PAFAH1B1: variants seen among roughly 807,000 people sequenced by gnomAD.
PAFAH1B1 encodes the protein platelet activating factor acetylhydrolase 1b regulatory subunit 1.
PAFAH1B1 carries 2 observed loss-of-function variants against 57.5 expected under a neutral mutation model. That is an observed-to-expected ratio of 0.03 (90% confidence interval 0.01 to 0.11). The LOEUF (loss-of-function observed/expected upper bound fraction) is 0.11. PAFAH1B1 is among the 10% of genes least tolerant of loss of function. The pLI is 1.00. For missense variants in PAFAH1B1, 257 were observed against 512.0 expected (o/e 0.50, Z 4.81); for synonymous variants, 152 against 169.6 (o/e 0.90, Z 0.81).
chr17:2,631,147 A>G (rs751727808), intron 1 of PAFAH1B1, among the ~76,000 whole-genome samples: 15 of 152,026 alleles, frequency 9.9e-5, no homozygotes, highest in South Asian at 2.1e-4. Flanking sequence ...AGGCTGAGGC[A>G]GGGGAATCAC....
intron 1 of PAFAH1B1, among the ~76,000 whole-genome samples, chr17:2,609,157 T>A (rs2068237785): frequency 6.6e-6 from 1 of 152,212 alleles, no homozygotes; most frequent in African/African-American, 2.4e-5. Context: ...TAAGCTGAAT[T>A]ACAGCTGCCT....
At chr17:2,680,471 ATTTG>A in intron 10 of PAFAH1B1, 151 bp downstream of exon 10, 1 of 760,034 alleles carries the variant, frequency 1.3e-6, no homozygotes. Flanking sequence ...GATTCCTACC[ATTTG>A]TTTTAAATTC....
chr17:2,633,319 T>C (rs2151630924), intron 1 of PAFAH1B1, among the ~76,000 whole-genome samples: 1 of 151,554 alleles, frequency 6.6e-6, no homozygotes, highest in South Asian at 2.1e-4. Context: ...AGGTGCCTGC[T>C]GCCACAACCA....
chr17:2,652,165 C>T (rs965261738), intron 2 of PAFAH1B1, among the ~76,000 whole-genome samples: 1 of 150,960 alleles, frequency 6.6e-6, no homozygotes, highest in African/African-American at 2.4e-5. Flanking sequence ...TAATCCCACA[C>T]TTTGGGAGGC....
chr17:2,644,163 CTT>C (rs568959536), intron 2 of PAFAH1B1, among the ~76,000 whole-genome samples: 2 of 143,984 alleles, frequency 1.4e-5, no homozygotes. Flanking sequence ...CTCTCTTGCT[CTT>C]TTTTTTTTTT....
intron 1 of PAFAH1B1, among the ~76,000 whole-genome samples, chr17:2,614,818 C>T (rs1473473012): frequency 3.3e-5 from 5 of 151,894 alleles, no homozygotes; most frequent in Admixed American, 3.3e-4. Flanking sequence ...AAACTTCTGG[C>T]CTCAAGCAAT....
chr17:2,603,296 C>T (rs1185402184), intron 1 of PAFAH1B1, among the ~76,000 whole-genome samples: 1 of 151,818 alleles, frequency 6.6e-6, no homozygotes, highest in Admixed American at 6.6e-5. Context: ...TCTACAGGCC[C>T]GCGCCACCAT....
chr17:2,667,325 CT>C, intron 5 of PAFAH1B1, 127 bp downstream of exon 5: 1 of 689,128 alleles, frequency 1.5e-6, no homozygotes, highest in Admixed American at 2.3e-5. Context: ...CAGAGCCACA[CT>C]CTGTCTCAAA....
In PAFAH1B1 at chr17:2,684,376, G is replaced by A. The variant is rs886052728; in HGVS notation, c.*2574G>A. 2.6e-5 allele frequency: 4 copies of A among 152,718 alleles called. No individual in the cohort carries two copies. The highest frequency in any genetic ancestry group is 1.9e-4 in the East Asian group (1 of 5,200). The allele number at this position is 152,718 out of a possible 1,614,324, so 9.5% of individuals were successfully genotyped here. ...GTGCCTTGCCTGGGATAAGGACAAT[G>A]ATGAGGTTACTGGTTTGGATTGTAA... On this transcript the variant is annotated 3_prime_UTR_variant, in exon 11 of 11. Transcript: ENST00000397195.
chr17:2,660,841 T>A (rs563524931), intron 2 of PAFAH1B1, among the ~76,000 whole-genome samples: 1 of 152,362 alleles, frequency 6.6e-6, no homozygotes, highest in South Asian at 2.1e-4. Context: ...TCTTCCATGA[T>A]GGTTGAACTA....
intron 2 of PAFAH1B1, among the ~76,000 whole-genome samples, chr17:2,646,071 A>G (rs963574876): frequency 1.1e-4 from 17 of 152,152 alleles, no homozygotes; most frequent in Non-Finnish European, 2.4e-4. Context: ...AATGACAGAA[A>G]ATGAACTATG....
chr17:2,680,294 C>T lies in PAFAH1B1; in HGVS notation c.1133C>T (p.Ala378Val), dbSNP rs1320896171. The T allele has an allele frequency of 3.7e-6, 6 of 1,613,928 alleles. No individual in the cohort carries two copies. The highest frequency in any genetic ancestry group is 1.7e-5 in the Admixed American group (1 of 59,998). Residue 378 changes from alanine (A) to valine (V), a missense_variant, in exon 10 of 11, where the codon GCG becomes GTG. Coordinates refer to ENST00000397195, the MANE Select transcript of PAFAH1B1 (RefSeq NM_000430.4). ...KNKRCMKTLN[A>V]HEHFVTSLDF... Reference sequence around the variant, plus strand: ...AAGCGATGCATGAAGACCCTCAATGCGCATGAACACTTTGTTACCTCCTTG... The same window carrying T: ...AAGCGATGCATGAAGACCCTCAATGTGCATGAACACTTTGTTACCTCCTTG...
At chr17:2,669,395 G>A (rs1023011782) in intron 5 of PAFAH1B1, among the ~76,000 whole-genome samples, 40 of 151,680 alleles carry the variant, frequency 2.6e-4, no homozygotes, top group African/African-American at 8.0e-4. Context: ...CCGAGTAGCC[G>A]GGAGTACAGG....
intron 1 of PAFAH1B1, among the ~76,000 whole-genome samples, chr17:2,607,756 G>A (rs1246712133): frequency 6.6e-6 from 1 of 152,102 alleles, no homozygotes; most frequent in African/African-American, 2.4e-5. Context: ...AAAGTTCTGG[G>A]ATTACAGGTG....
chr17:2,618,605 A>G (rs959618925), intron 1 of PAFAH1B1, among the ~76,000 whole-genome samples: 6 of 152,174 alleles, frequency 3.9e-5, no homozygotes, highest in African/African-American at 1.2e-4. Flanking sequence ...ATTTGACTGC[A>G]TTATAGTATA....
intron 5 of PAFAH1B1, among the ~76,000 whole-genome samples, chr17:2,668,127 C>A (rs1028378725): frequency 2.0e-5 from 3 of 150,796 alleles, no homozygotes; most frequent in African/African-American, 7.3e-5. Context: ...GAGTTCAAGA[C>A]CAGCCTGAGC....
At position 2,623,504 on chromosome 17, in the gene PAFAH1B1, C is replaced by T. The variant is rs565288515; in HGVS notation, c.-190-14595C>T. Among the ~76,000 whole-genome samples, 56 of 151,996 alleles carry T rather than the reference C, an allele frequency of 3.7e-4. 1 individual carries two copies. In the South Asian group the frequency reaches 9.4e-3, roughly 25 times the overall value. ...CAATCTCCTGACCTTGTGATCTACC[C>T]GCCTTGGCCTCCCAAAGTCCTGGGA... is the stretch of plus-strand genomic sequence containing the variant. On this transcript the variant is annotated intron_variant, in intron 1 of 10. Transcript: ENST00000397195.
At chr17:2,671,548 A>T (rs2069181960) in intron 6 of PAFAH1B1, among the ~76,000 whole-genome samples, 1 of 150,058 alleles carries the variant, frequency 6.7e-6, no homozygotes, top group African/African-American at 2.4e-5. Context: ...CTGTAACTTT[A>T]AAAAGAGTTC....
At chr17:2,624,921 TA>T (rs2068469985) in intron 1 of PAFAH1B1, among the ~76,000 whole-genome samples, 1 of 152,232 alleles carries the variant, frequency 6.6e-6, no homozygotes, top group Non-Finnish European at 1.5e-5. Context: ...AATTACCGGA[TA>T]AGTCTTTATT....
Sources: allele counts gnomAD v4.1 joint callset (sites outside exome capture counted in the v4.1 genomes callset), GRCh38; gene constraint gnomAD v4.1.1; transcripts MANE v1.5; gene names NCBI Gene and HGNC (gene_info 2026-07-23, HGNC 2026-07-21).